The following CRYBG1 variants were observed in gnomAD, a reference collection of about 807,000 sequenced individuals.
The protein encoded by CRYBG1 is beta/gamma crystallin domain-containing protein 1.
Under a neutral mutation model 189.2 loss-of-function variants are expected in CRYBG1, and 139 were observed. The ratio of observed to expected loss-of-function variants is 0.73; its 90% CI spans 0.64 to 0.85. The LOEUF (loss-of-function observed/expected upper bound fraction) is 0.85. Ranked by LOEUF, CRYBG1 falls within the 40% of genes least tolerant of loss-of-function variation. The pLI is 0.00. For synonymous variants in CRYBG1, 1,023 were observed against 1,017.1 expected (o/e 1.01, Z -0.11); for missense variants, 2,611 against 2,675.8 (o/e 0.98, Z 0.53).
In CRYBG1 at chr6:106,520,439, T is replaced by TA. The variant is rs535796320; in HGVS notation, c.3232dup (p.Thr1078AsnfsTer6). ...CTCCTCAAAGGCCAGATCAGACTGTTACAAATGGCCAGGATAGCCCTGCCA... is the reference window on the plus strand; with the variant it reads ...CTCCTCAAAGGCCAGATCAGACTGTTAACAAATGGCCAGGATAGCCCTGCCA... On this transcript the variant is annotated frameshift_variant, in exon 4 of 22. Coordinates refer to ENST00000633556, the MANE Select transcript of CRYBG1 (RefSeq NM_001371242.2). LOFTEE classifies it high-confidence loss of function. 157 of 1,614,040 alleles carry TA rather than the reference T, an allele frequency of 9.7e-5. 1 individual carries two copies. The highest frequency in any genetic ancestry group is 1.3e-4 in the Non-Finnish European group (152 of 1,180,018).
At chr6:106,447,271 GC>G (rs1316514715) in intron 1 of CRYBG1, among the ~76,000 whole-genome samples, 7 of 152,198 alleles carry the variant, frequency 4.6e-5, no homozygotes, top group Non-Finnish European at 7.4e-5. Flanking sequence ...GCCAAGCTTA[GC>G]CTCTGTTATG....
intron 1 of CRYBG1, among the ~76,000 whole-genome samples, chr6:106,368,429 G>A (rs1262995912): frequency 2.0e-5 from 3 of 152,168 alleles, no homozygotes; most frequent in Non-Finnish European, 4.4e-5. Context: ...TGAATGGTGT[G>A]TTCTTCTGTC....
At chr6:106,549,450 G>C (rs1051342894) in intron 13 of CRYBG1, among the ~76,000 whole-genome samples, 6 of 152,158 alleles carry the variant, frequency 3.9e-5, no homozygotes, top group African/African-American at 1.4e-4. Context: ...ATAAAGGATA[G>C]GTTTTTAGGC....
intron 2 of CRYBG1, among the ~76,000 whole-genome samples, chr6:106,499,720 A>G (rs1772959657): frequency 6.6e-6 from 1 of 152,182 alleles, no homozygotes; most frequent in Non-Finnish European, 1.5e-5. Context: ...TAAAATATGT[A>G]ATACATTAGT....
At chr6:106,386,915 G>T (rs191005781) in intron 1 of CRYBG1, among the ~76,000 whole-genome samples, 1 of 152,260 alleles carries the variant, frequency 6.6e-6, no homozygotes, top group East Asian at 1.9e-4. Flanking sequence ...GTTGAGACAG[G>T]GTTGATTTGG....
chr6:106,558,853 C>T (rs1376515148), intron 18 of CRYBG1, among the ~76,000 whole-genome samples: 1 of 151,990 alleles, frequency 6.6e-6, no homozygotes, highest in African/African-American at 2.4e-5. Context: ...GCCCCAGCTA[C>T]GTAGGAGGCT....
At chr6:106,503,510 GA>G (rs1461387213) in intron 2 of CRYBG1, among the ~76,000 whole-genome samples, 41 of 152,048 alleles carry the variant, frequency 2.7e-4, no homozygotes, top group Admixed American at 1.0e-3. Context: ...TTTCTAACAA[GA>G]AAAAATACTG....
At chr6:106,525,680 C>T (rs1398973617) in intron 6 of CRYBG1, among the ~76,000 whole-genome samples, 1 of 151,986 alleles carries the variant, frequency 6.6e-6, no homozygotes, top group Non-Finnish European at 1.5e-5. Context: ...ATATCAGGGC[C>T]CATAACATAC....
rs1471225941 is a variant in CRYBG1 at position 106,512,094 on chromosome 6, T to A, written c.977T>A (p.Leu326Gln). The A allele has an allele frequency of 1.3e-6, 2 of 1,534,276 alleles. No individual in the cohort carries two copies. Among genetic ancestry groups the A allele is most frequent in the East Asian group, 2.4e-5 (1 of 40,854 alleles). ...APSVCAEEGS[L>Q]GPRNARSQPP... The stretch of plus-strand genomic sequence containing the variant: ...AGTGTGTGTGCCGAAGAAGGCTCCC[T>A]GGGGCCCCGCAACGCCCGCAGCCAG... Residue 326 changes from leucine to glutamine, a missense_variant, in exon 3 of 22, where the codon CTG becomes CAG. This residue lies in a region of CRYBG1 where 985 missense variants were observed against 924.4 expected (regional missense o/e 1.07). Transcript: ENST00000633556.
In CRYBG1 at chr6:106,513,004, C is replaced by T. The variant is rs760903261; in HGVS notation, c.1887C>T (p.Gly629=). 3 of 1,607,940 alleles carry T rather than the reference C, an allele frequency of 1.9e-6. No individual in the cohort carries two copies. Among genetic ancestry groups the T allele is most frequent in the African/African-American group, 1.3e-5 (1 of 74,906 alleles). ...GCTTGAAGCCCAGGAACCATTTCGG[C>T]GTGGGCAGGTCGACAGTGACCACTA... ...ADGLKPRNHF[G]VGRSTVTTKV... Residue 629 remains glycine, a synonymous_variant, in exon 3 of 22, where the codon GGC becomes GGT. Transcript: ENST00000633556.
intron 1 of CRYBG1, among the ~76,000 whole-genome samples, chr6:106,382,590 T>C (rs1770307550): frequency 6.6e-6 from 1 of 152,188 alleles, no homozygotes; most frequent in Admixed American, 6.6e-5. Context: ...ACCAGCACTT[T>C]GGAAGGCCAA....
chr6:106,558,013 GA>G (rs947324334), intron 17 of CRYBG1, among the ~76,000 whole-genome samples: 6 of 146,568 alleles, frequency 4.1e-5, no homozygotes, highest in Non-Finnish European at 4.5e-5. Context: ...GTGATGAACA[GA>G]AAAAAAAAAG....
Position 106,570,712 on chromosome 6 carries a change from A to C in CRYBG1, c.*2146A>C, listed in dbSNP as rs919767954. On this transcript the variant is annotated 3_prime_UTR_variant, in exon 22 of 22. Transcript: ENST00000633556. ...CCAGGAAAAGAGCTGAGGCTGCTCC[A>C]GATGGAAGTCAAGAGCAGCTGGTAT... is the stretch of plus-strand genomic sequence containing the variant. The C allele has an allele frequency of 3.3e-5, 5 of 152,232 alleles. No individual in the cohort carries two copies. The highest frequency in any genetic ancestry group is 1.2e-4 in the African/African-American group (5 of 41,462). 9.4% of individuals were successfully genotyped at this position (152,232 alleles called of 1,614,324 possible).
At chr6:106,467,821 A>G (rs762319092) in intron 2 of CRYBG1, among the ~76,000 whole-genome samples, 1 of 152,184 alleles carries the variant, frequency 6.6e-6, no homozygotes, top group Non-Finnish European at 1.5e-5. Context: ...GTAAACAGTT[A>G]TACATTTTTG....
chr6:106,480,036 G>A (rs1772410297), intron 2 of CRYBG1, among the ~76,000 whole-genome samples: 1 of 151,972 alleles, frequency 6.6e-6, no homozygotes. Context: ...TTTATTTATA[G>A]TTTTAGCTCC....
intron 8 of CRYBG1, among the ~76,000 whole-genome samples, chr6:106,533,817 G>A (rs1773930183): frequency 6.6e-6 from 1 of 152,206 alleles, no homozygotes; most frequent in South Asian, 2.1e-4. Flanking sequence ...ATTCAAGTAA[G>A]TGGGCAAGAA....
At chr6:106,463,521 A>G (rs555628647) in intron 2 of CRYBG1, among the ~76,000 whole-genome samples, 1 of 152,238 alleles carries the variant, frequency 6.6e-6, no homozygotes, top group African/African-American at 2.4e-5. Flanking sequence ...CATATAACCC[A>G]TAATTTAATG....
At chr6:106,369,397 C>A (rs1769969523) in intron 1 of CRYBG1, among the ~76,000 whole-genome samples, 1 of 152,196 alleles carries the variant, frequency 6.6e-6, no homozygotes, top group South Asian at 2.1e-4. Context: ...ATTGTTTGTG[C>A]CATTTCAAGC....
At chr6:106,435,647 G>T (rs1430944231) in intron 1 of CRYBG1, among the ~76,000 whole-genome samples, 1 of 151,812 alleles carries the variant, frequency 6.6e-6, no homozygotes, top group Non-Finnish European at 1.5e-5. Flanking sequence ...TGTCACTCAG[G>T]CTGGAGTGCA....
Sources: allele counts gnomAD v4.1 joint callset (sites outside exome capture counted in the v4.1 genomes callset), GRCh38; gene constraint gnomAD v4.1.1; regional missense constraint gnomAD v4.1.1; transcripts MANE v1.5; gene names NCBI Gene and HGNC (gene_info 2026-07-23, HGNC 2026-07-21).